TNXB: variants seen among roughly 807,000 people sequenced by gnomAD.
The protein encoded by TNXB is tenascin XB, also known as tenascin-X.
In TNXB, 183 loss-of-function variants were observed where a neutral mutation model predicts 340.5. That is an observed-to-expected ratio of 0.54 (90% CI 0.48 to 0.61). The LOEUF (loss-of-function observed/expected upper bound fraction) is 0.61. Among genes scored for constraint, TNXB ranks in the 20% least tolerant of loss-of-function variants. The pLI, the probability that TNXB is intolerant of heterozygous loss-of-function variation, is 0.00. For synonymous variants in TNXB, 2,121 were observed against 2,314.5 expected, an observed-to-expected ratio of 0.92 and a Z score of 2.40; for missense variants, 4,613 against 5,446.4, an observed-to-expected ratio of 0.85 and a Z score of 4.82.
At chr6:32,104,068 T>C (rs987723450) in intron 1 of TNXB, among the ~76,000 whole-genome samples, 5 of 152,048 alleles carry the variant, frequency 3.3e-5, no homozygotes, top group African/African-American at 1.2e-4. Flanking sequence ...CGCTGACCAA[T>C]ATGGTAGCCA....
Position 32,051,999 on chromosome 6 carries a change from G to A in TNXB, c.9115+671C>T, listed in dbSNP as rs1432129918. Among the ~76,000 whole-genome samples, 3 of 152,122 alleles carry A rather than the reference G, an allele frequency of 2.0e-5. No homozygotes were observed. The highest frequency in any genetic ancestry group is 2.9e-5 in the Non-Finnish European group (2 of 68,028). On this transcript the variant is annotated intron_variant, in intron 26 of 43. Coordinates refer to ENST00000644971, the MANE Select transcript of TNXB (RefSeq NM_001365276.2). The surrounding 1 kb of genome is among the most constrained non-coding windows in gnomAD (Gnocchi z 4.7). ...AAGAGGAGTTCTGGAAGTGGAGGGT[G>A]ACAGTCCACAGCAATGTGAGTGGAC...
chr6:32,046,209 C>T lies in TNXB; in HGVS notation c.10572G>A (p.Lys3524=), dbSNP rs1005221625. 1.3e-6 allele frequency: 2 copies of T among 1,593,194 alleles called. No homozygotes were observed. Among genetic ancestry groups the T allele is most frequent in the African/African-American group, 2.7e-5 (2 of 74,822 alleles). The part of the protein sequence containing the change: ...KFLLYGLLGG[K]RLGPVSALGM... Reference sequence around the variant, plus strand: ...CCAGGGCAGAGACCGGGCCCAGGCGCTTTCCCCCAAGGAGCCCGTAGAGCA... The same window carrying T: ...CCAGGGCAGAGACCGGGCCCAGGCGTTTTCCCCCAAGGAGCCCGTAGAGCA... The change falls in exon 31 of 44, where the codon AAG becomes AAA. Residue 3524 remains lysine, a synonymous_variant. Coordinates refer to ENST00000644971, the MANE Select transcript of TNXB (RefSeq NM_001365276.2). The surrounding 1 kb of genome is among the most constrained non-coding windows in gnomAD (Gnocchi z 6.9).
rs61740337 is a variant in TNXB, at chr6:32,049,328, A to G, written c.9699T>C (p.His3233=). 0.061 allele frequency: 97,604 copies of G among 1,612,390 alleles called. 3,400 individuals are homozygous for G. Among genetic ancestry groups the G allele is most frequent in the East Asian group, 0.082 (3,680 of 44,870 alleles). ...GLEPGRKYKM[H]LYGLHEGQRV... The stretch of plus-strand genomic sequence containing the variant: ...GCTGCCCCTCGTGGAGGCCGTACAG[A>G]TGCATCTTGTATTTGCGCCCGGGCT... The change falls in exon 28 of 44, where the codon CAT becomes CAC. Residue 3233 remains histidine (H), a synonymous_variant. Coordinates refer to ENST00000644971, the MANE Select transcript of TNXB (RefSeq NM_001365276.2). This position sits in a 1 kb window ranked among gnomAD's most constrained non-coding sequence, Gnocchi z 4.5.
chr6:32,049,457 C>A lies in TNXB; in HGVS notation c.9570G>T (p.Gln3190His). 1.9e-6 allele frequency: 3 copies of A among 1,612,746 alleles called. No individual in the cohort carries two copies. Among genetic ancestry groups the A allele is most frequent in the Non-Finnish European group, 2.5e-6 (3 of 1,179,876 alleles). ...GCACGGTGAAGGAGTCGAAGCGGCCCTGGGGGACGGTCCAGGAGAGGCTCA... is the reference window on the plus strand; with the variant it reads ...GCACGGTGAAGGAGTCGAAGCGGCCATGGGGGACGGTCCAGGAGAGGCTCA... ...DSLSLSWTVP[Q>H]GRFDSFTVQY... The change falls in exon 28 of 44, where the codon CAG becomes CAT. Residue 3190 changes from glutamine to histidine, a missense_variant. Around this residue, in one of 7 missense-constraint regions of TNXB, gnomAD observed 4,327 missense variants for 4,859.4 expected, o/e 0.89. Transcript: ENST00000644971. The surrounding 1 kb of genome is among the most constrained non-coding windows in gnomAD (Gnocchi z 4.5).
At position 32,082,440 on chromosome 6, in the gene TNXB, T is replaced by G. The variant is rs1256179290; in HGVS notation, c.3446-114A>C. ...GTGCAGGTTGTTCACTGCACAAAAG[T>G]GCATTTGCTGAGGGAGTACAGAGGG... On this transcript the variant is annotated intron_variant, in intron 8 of 43. Coordinates refer to ENST00000644971, the MANE Select transcript of TNXB (RefSeq NM_001365276.2). The surrounding 1 kb of genome is among the most constrained non-coding windows in gnomAD (Gnocchi z 5.0). The G allele has an allele frequency of 1.8e-6, 2 of 1,118,300 alleles. No homozygotes were observed. Among genetic ancestry groups the G allele is most frequent in the Non-Finnish European group, 2.5e-6 (2 of 791,798 alleles). The allele number at this position is 1,118,300 out of a possible 1,614,324, so 69.3% of individuals were successfully genotyped here. A position where few individuals can be genotyped will look rare whatever the true frequency, so the allele number is the denominator to read the frequency against.
rs1227967613 is a variant in TNXB, at chr6:32,087,705, C to G, written c.2779+1080G>C. On this transcript the variant is annotated intron_variant, in intron 6 of 43. Transcript: ENST00000644971. The surrounding 1 kb of genome is among the most constrained non-coding windows in gnomAD (Gnocchi z 9.0). Reference sequence around the variant, plus strand: ...AGTATTCATGGATGTGGCGCGCCACCGACGTGTAAGTCTGGTTGGCCCGCA... The same window carrying G: ...AGTATTCATGGATGTGGCGCGCCACGGACGTGTAAGTCTGGTTGGCCCGCA... The G allele has an allele frequency of 6.4e-6, 3 of 469,088 alleles. No homozygotes were observed. The highest frequency in any genetic ancestry group is 1.5e-5 in the South Asian group (1 of 65,824). 29.1% of individuals were successfully genotyped at this position (469,088 alleles called of 1,614,324 possible).
chr6:32,046,556 A>G lies in TNXB; in HGVS notation c.10325-100T>C. The G allele has an allele frequency of 1.8e-6, 2 of 1,104,608 alleles. No homozygotes were observed. Among genetic ancestry groups the G allele is most frequent in the Non-Finnish European group, 1.2e-6 (1 of 803,672 alleles). 68.4% of individuals were successfully genotyped at this position (1,104,608 alleles called of 1,614,324 possible). ...TGAGGTTCTGGGAAATGGTCCCTCCAGTGTAGCCCCAGGGACAGCTCCTTG... is the reference window on the plus strand; with the variant it reads ...TGAGGTTCTGGGAAATGGTCCCTCCGGTGTAGCCCCAGGGACAGCTCCTTG... On this transcript the variant is annotated intron_variant, in intron 30 of 43. Coordinates refer to ENST00000644971, the MANE Select transcript of TNXB (RefSeq NM_001365276.2). The surrounding 1 kb of genome is among the most constrained non-coding windows in gnomAD (Gnocchi z 6.9).
At chr6:32,059,439 AAAAG>A (rs1351451464) in intron 21 of TNXB, among the ~76,000 whole-genome samples, 3 of 149,506 alleles carry the variant, frequency 2.0e-5, no homozygotes, top group East Asian at 1.9e-4. Flanking sequence ...AAAAAAAAGA[AAAAG>A]AAAGAAAGAA....
chr6:32,096,870 C>T lies in TNXB; in HGVS notation c.983G>A (p.Cys328Tyr). ...RGRCKDGRCV[C>Y]DPGYTGEDCG... ...GTCCTCGCCAGTGTAGCCGGGGTCA[C>T]ACACGCAGCGCCCGTCCTTGCAGCG... The change falls in exon 3 of 44, where the codon TGT (cysteine) becomes TAT (tyrosine). Residue 328 changes from cysteine (C) to tyrosine (Y), a missense_variant. Physicochemically the swap from Cys to Tyr is radical, Grantham distance 194. Transcript: ENST00000644971. 3 of 1,608,358 alleles carry T rather than the reference C, an allele frequency of 1.9e-6. No individual in the cohort carries two copies. Among genetic ancestry groups the T allele is most frequent in the South Asian group, 2.2e-5 (2 of 89,854 alleles).
rs1779057766 is a variant in TNXB at position 32,075,909 on chromosome 6, G to A, written c.4376-1957C>T. On this transcript the variant is annotated intron_variant, in intron 11 of 43. Transcript: ENST00000644971. The surrounding 1 kb of genome is among the most constrained non-coding windows in gnomAD (Gnocchi z 4.6). ...TTCTCTGGCTTCCTCCGGAGGGCAAGACAAGGCTCCAAGCAAGTGACAACT... is the reference window on the plus strand; with the variant it reads ...TTCTCTGGCTTCCTCCGGAGGGCAAAACAAGGCTCCAAGCAAGTGACAACT... Among the ~76,000 whole-genome samples the A allele has an allele frequency of 6.6e-6, 1 of 152,222 alleles. No homozygotes were observed. Among genetic ancestry groups the A allele is most frequent in the Non-Finnish European group, 1.5e-5 (1 of 68,044 alleles).
At position 32,049,706 on chromosome 6, in the gene TNXB, T is replaced by C; in HGVS notation, c.9440-119A>G. ...AGGTCATTTCAGAGAAGTCCATTCT[T>C]GGGGCTGGGTGGTCCTGCTCAGCTG... On this transcript the variant is annotated intron_variant, in intron 27 of 43. Coordinates refer to ENST00000644971, the MANE Select transcript of TNXB (RefSeq NM_001365276.2). The surrounding 1 kb of genome is among the most constrained non-coding windows in gnomAD (Gnocchi z 4.5). The C allele has an allele frequency of 7.8e-7, 1 of 1,275,410 alleles. No individual in the cohort carries two copies. The highest frequency in any genetic ancestry group is 1.1e-6 in the Non-Finnish European group (1 of 939,202). The allele number at this position is 1,275,410 out of a possible 1,614,324, so 79.0% of individuals were successfully genotyped here.
At chr6:32,103,035 T>C (rs1442672432) in intron 1 of TNXB, among the ~76,000 whole-genome samples, 2 of 152,190 alleles carry the variant, frequency 1.3e-5, no homozygotes, top group African/African-American at 4.8e-5. Flanking sequence ...CTGGAAATAT[T>C]TTGTATCTTA....
chr6:32,080,132 A>T lies in TNXB; in HGVS notation c.4043-767T>A, dbSNP rs917438896. Among the ~76,000 whole-genome samples the T allele has an allele frequency of 6.6e-6, 1 of 152,222 alleles. No homozygotes were observed. Among genetic ancestry groups the T allele is most frequent in the South Asian group, 2.1e-4 (1 of 4,828 alleles). On this transcript the variant is annotated intron_variant, in intron 10 of 43. Coordinates refer to ENST00000644971, the MANE Select transcript of TNXB (RefSeq NM_001365276.2). This position sits in a 1 kb window ranked among gnomAD's most constrained non-coding sequence, Gnocchi z 4.3. The stretch of plus-strand genomic sequence containing the variant: ...AAGATTACTGGGAAGTGAGAGAGTC[A>T]GGGAGAAATTGCAGCTCACTCTGAA...
chr6:32,082,395 T>C lies in TNXB; in HGVS notation c.3446-69A>G, dbSNP rs1048276687. 1.4e-4 allele frequency: 195 copies of C among 1,443,162 alleles called. No individual in the cohort carries two copies. The highest frequency in any genetic ancestry group is 1.7e-4 in the Non-Finnish European group (177 of 1,064,456). The allele number at this position is 1,443,162 out of a possible 1,614,324, so 89.4% of individuals were successfully genotyped here. A position where few individuals can be genotyped will look rare whatever the true frequency, so the allele number is the denominator to read the frequency against. On this transcript the variant is annotated intron_variant, in intron 8 of 43. Coordinates refer to ENST00000644971, the MANE Select transcript of TNXB (RefSeq NM_001365276.2). The surrounding 1 kb of genome is among the most constrained non-coding windows in gnomAD (Gnocchi z 5.0). ...GAGAATGGGGAAGCCAAATCCCACA[T>C]AGGAATGCTGTGTGAGGCTGTGCAG...
At position 32,096,835 on chromosome 6, in the gene TNXB, G is replaced by A. The variant is rs766643558; in HGVS notation, c.1018C>T (p.Arg340Trp). Residue 340 changes from arginine to tryptophan, a missense_variant, in exon 3 of 44, where the codon CGG becomes TGG. This residue lies in a region of TNXB where 4,327 missense variants were observed against 4,859.4 expected (regional missense o/e 0.89). Transcript: ENST00000644971. ...TCGCCACAGTCCCAGGGGCAGCTCC[G>A]CGTACCACAGTCCTCGCCAGTGTAG... ...PGYTGEDCGT[R>W]SCPWDCGEGG... 2.1e-5 allele frequency: 33 copies of A among 1,601,936 alleles called. No homozygotes were observed. Among genetic ancestry groups the A allele is most frequent in the African/African-American group, 2.7e-5 (2 of 74,092 alleles).
chr6:32,044,177 T>A lies in TNXB; in HGVS notation c.11264-48A>T, dbSNP rs2856450. On this transcript the variant is annotated intron_variant, in intron 33 of 43. Coordinates refer to ENST00000644971, the MANE Select transcript of TNXB (RefSeq NM_001365276.2). The stretch of plus-strand genomic sequence containing the variant: ...TGACGCAGGCAGGGGCAGGGAGGCT[T>A]CTCCCTACGAGTCCCCCCCTCGCCT... 5.8e-5 allele frequency: 77 copies of A among 1,317,606 alleles called. 8 individuals are homozygous for A. The highest frequency in any genetic ancestry group is 4.3e-5 in the Admixed American group (2 of 46,280). The allele number at this position is 1,317,606 out of a possible 1,614,324, so 81.6% of individuals were successfully genotyped here.
At position 32,058,525 on chromosome 6, in the gene TNXB, C is replaced by T. The variant is rs926808675; in HGVS notation, c.7493-135G>A. On this transcript the variant is annotated intron_variant, in intron 21 of 43. Transcript: ENST00000644971. The surrounding 1 kb of genome is among the most constrained non-coding windows in gnomAD (Gnocchi z 5.1). Reference sequence around the variant, plus strand: ...AGGGCTGGGGCAGCTTTGTGTTCGCCGTTCAGTGACTCTTGGAATAAGAGC... The same window carrying T: ...AGGGCTGGGGCAGCTTTGTGTTCGCTGTTCAGTGACTCTTGGAATAAGAGC... 8.2e-6 allele frequency: 6 copies of T among 732,850 alleles called. No homozygotes were observed. Among genetic ancestry groups the T allele is most frequent in the African/African-American group, 3.6e-5 (2 of 55,848 alleles). 45.4% of individuals were successfully genotyped at this position (732,850 alleles called of 1,614,324 possible). A position where few individuals can be genotyped will look rare whatever the true frequency, so the allele number is the denominator to read the frequency against.
chr6:32,095,964 C>A lies in TNXB; in HGVS notation c.1889G>T (p.Arg630Leu), dbSNP rs1303066307. 1.9e-6 allele frequency: 3 copies of A among 1,613,144 alleles called. No individual in the cohort carries two copies. Among genetic ancestry groups the A allele is most frequent in the South Asian group, 2.2e-5 (2 of 91,078 alleles). ...TCPSNCHGRG[R>L]CEEGRCLCDP... ...GCACAGGCAGCGCCCTTCCTCACAG[C>A]GGCCCCTCCCGTGGCAGTTGGAGGG... Residue 630 changes from arginine (R) to leucine (L), a missense_variant, in exon 3 of 44, where the codon CGC becomes CTC. By Grantham distance (102) the Arg-to-Leu change is moderately radical (BLOSUM62 -2). Around this residue, in one of 7 missense-constraint regions of TNXB, gnomAD observed 4,327 missense variants for 4,859.4 expected, o/e 0.89. Transcript: ENST00000644971.
chr6:32,053,077 C>T, intron 25 of TNXB, 84 bp from the exon 26 acceptor site: 1 of 1,446,046 alleles, frequency 6.9e-7, no homozygotes, highest in Non-Finnish European at 9.4e-7. Context: ...GAAGCTGTGG[C>T]CATGAGTGGG....
Sources: gnomAD v4.1 joint callset for allele counts (sites outside exome capture counted in the v4.1 genomes callset) on GRCh38, gnomAD v4.1.1 for gene constraint, gnomAD v4.1.1 regional missense constraint, Gnocchi (gnomAD v3.1) non-coding constraint, MANE v1.5 for transcripts, NCBI Gene and HGNC (gene_info 2026-07-23, HGNC 2026-07-21) for gene names.